Variants in LRRK2 observed in about 807,000 individuals in gnomAD.
The protein encoded by LRRK2 is leucine rich repeat kinase 2, also known as leucine-rich repeat serine/threonine-protein kinase 2.
In LRRK2, 203 loss-of-function variants were observed where a neutral mutation model predicts 302.6. The ratio of observed to expected loss-of-function variants is 0.67; its 90% CI spans 0.60 to 0.75. The LOEUF is 0.75. LRRK2 is among the 30% of genes least tolerant of loss of function. The pLI is 0.00. For missense variants in LRRK2, 2,830 were observed against 2,951.0 expected, an observed-to-expected ratio of 0.96 and a Z score of 0.95; for synonymous variants, 1,066 against 1,031.9, an observed-to-expected ratio of 1.03 and a Z score of -0.63.
rs762402555 is a variant in LRRK2, at chr12:40,263,833, C to T, written c.1588C>T (p.Leu530=). 6.2e-7 allele frequency: 1 copy of T among 1,612,988 alleles called. No individual in the cohort carries two copies. The change falls in exon 14 of 51, where the codon CTA becomes TTA. Residue 530 remains leucine (L), a synonymous_variant. Coordinates refer to ENST00000298910, the MANE Select transcript of LRRK2 (RefSeq NM_198578.4). ...SREDTEFHHK[L]NMVKKQCFKN... ...GGAGGATACAGAATTTCATCATAAGCTAAATATGGTTAAAAAACAGTGTTT... is the reference window on the plus strand; with the variant it reads ...GGAGGATACAGAATTTCATCATAAGTTAAATATGGTTAAAAAACAGTGTTT...
chr12:40,241,374 T>C (rs1202090064), intron 6 of LRRK2, among the ~76,000 whole-genome samples: 1 of 152,244 alleles, frequency 6.6e-6, no homozygotes, highest in Non-Finnish European at 1.5e-5. Context: ...GCCACATTTT[T>C]CACCAAAAAT....
chr12:40,342,961 G>A lies in LRRK2; in HGVS notation c.6109+2507G>A, dbSNP rs996948543. 2.0e-5 allele frequency among the ~76,000 whole-genome samples: 3 copies of A among 152,106 alleles called. No homozygotes were observed. The South Asian group carries it at 6.2e-4, about 31-fold the overall frequency. ...CATGAGTTAAGTATCTCAATCCTTA[G>A]GACCCTCTGACATATGTGCTATTAT... is the stretch of plus-strand genomic sequence containing the variant. On this transcript the variant is annotated intron_variant, in intron 41 of 50. Transcript: ENST00000298910.
intron 2 of LRRK2, among the ~76,000 whole-genome samples, chr12:40,227,531 C>T (rs1303859052): frequency 6.6e-6 from 1 of 152,170 alleles, no homozygotes; most frequent in Non-Finnish European, 1.5e-5. Flanking sequence ...TTTTCCGCTC[C>T]TACATATGAG....
At chr12:40,264,136 T>A (rs1163735360) in intron 14 of LRRK2, among the ~76,000 whole-genome samples, 2 of 152,172 alleles carry the variant, frequency 1.3e-5, no homozygotes, top group African/African-American at 2.4e-5. Context: ...TTCTTTTGAT[T>A]GCCAGTAACA....
chr12:40,309,377 G>C, intron 30 of LRRK2, 144 bp downstream of exon 30: 1 of 1,083,438 alleles, frequency 9.2e-7, no homozygotes, highest in South Asian at 1.7e-5. Flanking sequence ...CTAAAATTTT[G>C]AATTGGGAAA....
chr12:40,261,591 A>C (rs956510696), intron 13 of LRRK2, among the ~76,000 whole-genome samples: 3 of 152,072 alleles, frequency 2.0e-5, no homozygotes, highest in African/African-American at 7.2e-5. Flanking sequence ...AGTACACCAT[A>C]CTGTACTGTA....
At chr12:40,304,968 A>G (rs1002191403) in intron 27 of LRRK2, 5 of 151,754 alleles carry the variant, frequency 3.3e-5, no homozygotes, top group Admixed American at 2.6e-4. Flanking sequence ...TAAATAAACC[A>G]TTTTTCTCAA....
chr12:40,355,191 TG>T (rs139470314), intron 45 of LRRK2, among the ~76,000 whole-genome samples: 5,010 of 152,220 alleles, frequency 0.033, 289 homozygotes, highest in African/African-American at 0.12. Flanking sequence ...TCAACTCCAC[TG>T]GCAGTTTCGG....
In LRRK2 at chr12:40,275,290, A is replaced by G. The variant is rs192658051; in HGVS notation, c.1941+297A>G. On this transcript the variant is annotated intron_variant, in intron 16 of 50. Transcript: ENST00000298910. ...CTGAGTTTATTCGCTTAGATTTTAG[A>G]TAAATAGAATTTATAAATATTCCAA... 3.3e-5 allele frequency among the ~76,000 whole-genome samples: 5 copies of G among 152,336 alleles called. No individual in the cohort carries two copies. In the East Asian group the frequency reaches 9.7e-4, roughly 29 times the overall value.
At position 40,243,762 on chromosome 12, in the gene LRRK2, G is replaced by A. The variant is rs184184490; in HGVS notation, c.838+81G>A. The A allele has an allele frequency of 5.8e-5, 74 of 1,284,264 alleles. No individual in the cohort carries two copies. In the Admixed American group the frequency reaches 7.1e-4, roughly 12 times the overall value. The allele number at this position is 1,284,264 out of a possible 1,614,324, so 79.6% of individuals were successfully genotyped here. A position where few individuals can be genotyped will look rare whatever the true frequency, so the allele number is the denominator to read the frequency against. On this transcript the variant is annotated intron_variant, in intron 7 of 50. Transcript: ENST00000298910. ...AAACATATATATGTTGCATAATAAT[G>A]GATAAGTAGCATATTGACATACTTT...
At chr12:40,253,854 T>G (rs1448285933) in intron 11 of LRRK2, among the ~76,000 whole-genome samples, 2 of 152,208 alleles carry the variant, frequency 1.3e-5, no homozygotes, top group African/African-American at 2.4e-5. Context: ...GTTCCTATTA[T>G]TTTCTTGGGA....
At position 40,351,624 on chromosome 12, in the gene LRRK2, T is replaced by C. The variant is rs1946356813; in HGVS notation, c.6467T>C (p.Val2156Ala). The change falls in exon 44 of 51, where the codon GTT becomes GCT. Residue 2156 changes from valine (V) to alanine (A), a missense_variant. Physicochemically the swap from Val to Ala is moderately conservative, Grantham distance 64. Around this residue, in one of 3 missense-constraint regions of LRRK2, gnomAD observed 456 missense variants for 456.3 expected, o/e 1.00. Transcript: ENST00000298910. ...LPKNVIVECM[V>A]ATHHNSRNAS... ...AAAAACGTAATTGTTGAATGCATGG[T>C]TGCTACACATCACAACAGCAGGAAT... 1 of 1,614,248 alleles carries C rather than the reference T, an allele frequency of 6.2e-7. No homozygotes were observed. The highest frequency in any genetic ancestry group is 1.3e-5 in the African/African-American group (1 of 75,070).
In LRRK2 at chr12:40,287,332, G is replaced by T. The variant is rs199623468; in HGVS notation, c.2501-19G>T. On this transcript the variant is annotated intron_variant, in intron 19 of 50. Coordinates refer to ENST00000298910, the MANE Select transcript of LRRK2 (RefSeq NM_198578.4). ...ATAATTGTTGATTTCTAAGTTGCTG[G>T]TGTATCTCTTATTTTCAGATATAGC... 2.5e-6 allele frequency: 4 copies of T among 1,580,834 alleles called. No individual in the cohort carries two copies. The East Asian group carries it at 9.1e-5, about 36-fold the overall frequency.
At chr12:40,354,567 G>C in intron 45 of LRRK2, 75 bp downstream of exon 45, 7 of 1,304,124 alleles carry the variant, frequency 5.4e-6, no homozygotes, top group Non-Finnish European at 7.7e-6. Context: ...AATTGTTATT[G>C]CATCAGCAAA....
intron 14 of LRRK2, 99 bp from the exon 15 acceptor site, chr12:40,274,484 T>C (rs1943366181): frequency 8.1e-7 from 1 of 1,235,710 alleles, no homozygotes; most frequent in Non-Finnish European, 1.2e-6. Context: ...TGATTTATAT[T>C]TGGATTACTT....
chr12:40,348,565 A>ATG, intron 43 of LRRK2, 56 bp downstream of exon 43: 1 of 1,042,070 alleles, frequency 9.6e-7, no homozygotes, highest in Non-Finnish European at 1.5e-6. Flanking sequence ...ATATATGCAT[A>ATG]TATATATAAT....
chr12:40,322,052 A>G lies in LRRK2; in HGVS notation c.5188A>G (p.Asn1730Asp). ...TTTTTTAGAACGAGCACTTCGCCCA[A>G]ACAGAATGTATTGGCGACAAGGCAT... ...LSGRERALRP[N>D]RMYWRQGIYL... Residue 1730 changes from asparagine (N) to aspartate (D), a missense_variant, in exon 36 of 51, where the codon AAC (asparagine) becomes GAC (aspartate). Physicochemically the swap from Asn to Asp is conservative, Grantham distance 23 (BLOSUM62 1). Around this residue, in one of 3 missense-constraint regions of LRRK2, gnomAD observed 2,121 missense variants for 2,148.0 expected, o/e 0.99. Coordinates refer to ENST00000298910, the MANE Select transcript of LRRK2 (RefSeq NM_198578.4). 2 of 1,613,364 alleles carry G rather than the reference A, an allele frequency of 1.2e-6. No homozygotes were observed. Among genetic ancestry groups the G allele is most frequent in the Non-Finnish European group, 1.7e-6 (2 of 1,179,474 alleles).
chr12:40,235,023 C>T (rs556776653), intron 3 of LRRK2, among the ~76,000 whole-genome samples: 17 of 151,458 alleles, frequency 1.1e-4, no homozygotes, highest in Non-Finnish European at 2.2e-4. Flanking sequence ...ATTTTTTTAA[C>T]TTTATTAAAG....
Position 40,351,552 on chromosome 12 carries a change from T to G in LRRK2, c.6395T>G (p.Leu2132Trp), listed in dbSNP as rs1325662029. The change falls in exon 44 of 51, where the codon TTG becomes TGG. Residue 2132 changes from leucine to tryptophan, a missense_variant. This residue lies in a region of LRRK2 where 253 missense variants were observed against 346.7 expected (regional missense o/e 0.73). Transcript: ENST00000298910. ...AAACTTTCTCAGGTCTTTGACATTT[T>G]GAATTCAGCTGAATTAGTCTGTCTG... ...RPTSAQVFDI[L>W]NSAELVCLTR... 6.2e-7 allele frequency: 1 copy of G among 1,614,062 alleles called. No individual in the cohort carries two copies. Among genetic ancestry groups the G allele is most frequent in the Non-Finnish European group, 8.5e-7 (1 of 1,180,006 alleles).
Sources: gnomAD v4.1 joint callset for allele counts (sites outside exome capture counted in the v4.1 genomes callset) on GRCh38, gnomAD v4.1.1 for gene constraint, gnomAD v4.1.1 regional missense constraint, MANE v1.5 for transcripts, NCBI Gene and HGNC (gene_info 2026-07-23, HGNC 2026-07-21) for gene names.